STPG2: variants seen among roughly 807,000 people sequenced by gnomAD.
The protein encoded by STPG2 is sperm-tail PG-rich repeat-containing protein 2.
Under a neutral mutation model 54.2 loss-of-function variants are expected in STPG2, and 56 were observed. The ratio of observed to expected loss-of-function variants is 1.03; its 90% confidence interval spans 0.83 to 1.29. The LOEUF (loss-of-function observed/expected upper bound fraction) is 1.29, where lower values mean the gene tolerates loss of function less well. STPG2 is among the 50% of genes most tolerant of loss of function. The pLI is 0.00. For missense variants in STPG2, 596 were observed against 544.9 expected, an observed-to-expected ratio of 1.09 and a Z score of -0.93; for synonymous variants, 200 against 181.8, an observed-to-expected ratio of 1.10 and a Z score of -0.81.
chr4:97,583,932 G>T (rs542635273), intron 10 of STPG2, among the ~76,000 whole-genome samples: 3 of 151,720 alleles, frequency 2.0e-5, no homozygotes, highest in Admixed American at 6.6e-5. Flanking sequence ...AGTAGTGGGG[G>T]GCTTCAGCAC....
intron 9 of STPG2, among the ~76,000 whole-genome samples, chr4:97,804,857 C>T (rs147491005): frequency 2.4e-4 from 37 of 152,126 alleles, no homozygotes; most frequent in African/African-American, 8.4e-4. Flanking sequence ...GCCATTGTGT[C>T]ACAGTTGCCT....
chr4:97,844,851 C>T (rs1174060333), intron 8 of STPG2, among the ~76,000 whole-genome samples: 3 of 151,924 alleles, frequency 2.0e-5, no homozygotes, highest in Admixed American at 1.3e-4. Context: ...TCAAACTACT[C>T]GTATTGTTCA....
At chr4:98,018,885 T>A (rs1229632053) in intron 5 of STPG2, among the ~76,000 whole-genome samples, 1 of 151,772 alleles carries the variant, frequency 6.6e-6, no homozygotes, top group South Asian at 2.1e-4. Context: ...TTTTTGTAAA[T>A]TTGTTTGAGT....
chr4:97,495,091 A>G lies in STPG2; in HGVS notation c.462+217608T>C, dbSNP rs192351584. Among the ~76,000 whole-genome samples the G allele has an allele frequency of 5.4e-4, 82 of 151,722 alleles. 2 individuals are homozygous for G. Among genetic ancestry groups the G allele is most frequent in the Admixed American group, 5.2e-3 (79 of 15,166 alleles). On this transcript the variant is annotated intron_variant, in intron 4 of 4. Coordinates refer to the STPG2 transcript ENST00000522676. Reference sequence around the variant, plus strand: ...TTTTAGTGTTTCAGAGAACAATTGAATATCTATATTGAATATAGATATATA... The same window carrying G: ...TTTTAGTGTTTCAGAGAACAATTGAGTATCTATATTGAATATAGATATATA...
chr4:97,907,938 C>T (rs992107594), intron 8 of STPG2, among the ~76,000 whole-genome samples: 1 of 152,174 alleles, frequency 6.6e-6, no homozygotes, highest in Admixed American at 6.5e-5. Context: ...TAGGCCTGAC[C>T]ATTCAGGTCA....
intron 10 of STPG2, among the ~76,000 whole-genome samples, chr4:97,576,545 A>C (rs955522285): frequency 1.1e-4 from 17 of 152,180 alleles, no homozygotes; most frequent in African/African-American, 4.1e-4. Context: ...CTTGCTAGCC[A>C]TATGCAGAAG....
intron 8 of STPG2, among the ~76,000 whole-genome samples, chr4:97,850,603 T>G (rs1374043316): frequency 6.6e-6 from 1 of 151,952 alleles, no homozygotes. Flanking sequence ...CCATTAAAAT[T>G]TTATTTTCTA....
At chr4:98,064,237 T>C (rs1439463251) in intron 5 of STPG2, among the ~76,000 whole-genome samples, 1 of 152,202 alleles carries the variant, frequency 6.6e-6, no homozygotes, top group African/African-American at 2.4e-5. Context: ...CACGAAGCTC[T>C]CTGAAATGTT....
chr4:98,062,695 T>C (rs1023773934), intron 5 of STPG2, among the ~76,000 whole-genome samples: 22 of 152,150 alleles, frequency 1.4e-4, no homozygotes, highest in African/African-American at 3.6e-4. Flanking sequence ...GCAAAAGCAA[T>C]TGCAGTTTTT....
chr4:97,558,953 TTA>T lies in STPG2; in HGVS notation c.*103_*104del. The T allele has an allele frequency of 1.1e-6, 1 of 928,756 alleles. No homozygotes were observed. Among genetic ancestry groups the T allele is most frequent in the Non-Finnish European group, 1.7e-6 (1 of 588,720 alleles). The allele number at this position is 928,756 out of a possible 1,614,324, so 57.5% of individuals were successfully genotyped here. A position where few individuals can be genotyped will look rare whatever the true frequency, so the allele number is the denominator to read the frequency against. On this transcript the variant is annotated 3_prime_UTR_variant, in exon 11 of 11. Transcript: ENST00000295268. ...GAGCGAATGCCTGAACAAGTGAAAATTATGCTTTTATTACTCCTATATTTGGA... is the reference window on the plus strand; with the variant it reads ...GAGCGAATGCCTGAACAAGTGAAAATTGCTTTTATTACTCCTATATTTGGA...
At chr4:97,937,239 G>A (rs1034195359) in intron 8 of STPG2, among the ~76,000 whole-genome samples, 20 of 151,938 alleles carry the variant, frequency 1.3e-4, no homozygotes, top group African/African-American at 4.6e-4. Context: ...GGCCATTTAT[G>A]TTCCTCTCTA....
chr4:97,721,889 T>C (rs937208014), intron 9 of STPG2, among the ~76,000 whole-genome samples: 2 of 152,034 alleles, frequency 1.3e-5, no homozygotes, highest in Non-Finnish European at 2.9e-5. Flanking sequence ...TTAAAACATA[T>C]ATCACTGCAA....
intron 5 of STPG2, among the ~76,000 whole-genome samples, chr4:98,075,000 C>A (rs1251078394): frequency 1.3e-5 from 2 of 152,142 alleles, no homozygotes; most frequent in African/African-American, 2.4e-5. Context: ...TAATGTCTGT[C>A]TTGAGGTTAA....
chr4:97,465,439 A>T lies in STPG2; in HGVS notation c.462+247260T>A, dbSNP rs1403590590. On this transcript the variant is annotated intron_variant, in intron 4 of 4. Transcript: ENST00000522676. ...CAGAAGTCTATTTGGATATTTGAAA[A>T]ATATATCTGTTCTTTGTGTATATAT... is the stretch of plus-strand genomic sequence containing the variant. 2.0e-5 allele frequency among the ~76,000 whole-genome samples: 3 copies of T among 152,136 alleles called. 1 individual carries two copies. The highest frequency in any genetic ancestry group is 7.2e-5 in the African/African-American group (3 of 41,442).
At chr4:97,871,706 G>T (rs1401198197) in intron 8 of STPG2, among the ~76,000 whole-genome samples, 2 of 151,066 alleles carry the variant, frequency 1.3e-5, no homozygotes, top group African/African-American at 4.8e-5. Context: ...TAACTACGAA[G>T]TTGTTATTAC....
At chr4:98,071,288 G>T (rs556568375) in intron 5 of STPG2, among the ~76,000 whole-genome samples, 36 of 152,112 alleles carry the variant, frequency 2.4e-4, no homozygotes, top group African/African-American at 8.2e-4. Flanking sequence ...CTGATCTTCA[G>T]CAAAACTGAC....
At chr4:97,487,818 GA>G (rs1209727512) in intron 4 of STPG2, among the ~76,000 whole-genome samples, 2 of 151,162 alleles carry the variant, frequency 1.3e-5, no homozygotes, top group Non-Finnish European at 3.0e-5. Flanking sequence ...AAATGACTTA[GA>G]AAAAAAGCTA....
intron 10 of STPG2, among the ~76,000 whole-genome samples, chr4:97,663,434 T>G (rs564575399): frequency 3.3e-4 from 51 of 152,330 alleles, no homozygotes; most frequent in African/African-American, 1.2e-3. Context: ...AAAATTTGTT[T>G]ATAAGAGAAA....
At chr4:97,890,123 A>G (rs1412217259) in intron 8 of STPG2, among the ~76,000 whole-genome samples, 1 of 152,122 alleles carries the variant, frequency 6.6e-6, no homozygotes, top group Non-Finnish European at 1.5e-5. Context: ...CAAACCAAGA[A>G]CTAGTCACAG....
Sources: allele counts gnomAD v4.1 joint callset (sites outside exome capture counted in the v4.1 genomes callset), GRCh38; gene constraint gnomAD v4.1.1; transcripts MANE v1.5; gene names NCBI Gene and HGNC (gene_info 2026-07-23, HGNC 2026-07-21).